MYO1D: variants seen among roughly 807,000 people sequenced by gnomAD.
MYO1D encodes the protein myosin ID.
MYO1D carries 83 observed loss-of-function variants against 122.0 expected under a neutral mutation model. That is an observed-to-expected ratio of 0.68 (90% CI 0.57 to 0.82). The LOEUF is 0.82. Ranked by LOEUF, MYO1D falls within the 40% of genes least tolerant of loss-of-function variation. The probability of loss-of-function intolerance (pLI) is 0.00; values close to 1 mark genes in which losing one functional copy is unlikely to be tolerated. For missense variants in MYO1D, 1,157 were observed against 1,269.5 expected (o/e 0.91, Z 1.35); for synonymous variants, 464 against 446.9 (o/e 1.04, Z -0.48).
In MYO1D at chr17:32,494,492, TG is replaced by T; in HGVS notation, c.*266del. 1 of 469,824 alleles carries T rather than the reference TG, an allele frequency of 2.1e-6. No homozygotes were observed. The highest frequency in any genetic ancestry group is 3.8e-6 in the Non-Finnish European group (1 of 262,452). The allele number at this position is 469,824 out of a possible 1,614,324, so 29.1% of individuals were successfully genotyped here. A position where few individuals can be genotyped will look rare whatever the true frequency, so the allele number is the denominator to read the frequency against. ...ACTAAAGGCACCATCCAGTTGCCTC[TG>T]GGGTGAGATTGGTCTGGACGTCAGC... On this transcript the variant is annotated 3_prime_UTR_variant, in exon 22 of 22. Coordinates refer to ENST00000318217, the MANE Select transcript of MYO1D (RefSeq NM_015194.3).
At chr17:32,628,430 C>T (rs987139724) in intron 20 of MYO1D, among the ~76,000 whole-genome samples, 2 of 152,174 alleles carry the variant, frequency 1.3e-5, no homozygotes, top group African/African-American at 2.4e-5. Context: ...AAACCTGTCA[C>T]GATTTCCTGT....
chr17:32,785,361 C>T (rs558485340), intron 1 of MYO1D, among the ~76,000 whole-genome samples: 1 of 152,116 alleles, frequency 6.6e-6, no homozygotes, highest in African/African-American at 2.4e-5. Flanking sequence ...AAACCTTATT[C>T]GTAAGTATTA....
intron 21 of MYO1D, among the ~76,000 whole-genome samples, chr17:32,596,689 C>CA (rs750068357): frequency 2.0e-5 from 3 of 152,146 alleles, no homozygotes; most frequent in Non-Finnish European, 2.9e-5. Context: ...GGCTTGCATC[C>CA]ACAGAAAGAG....
intron 12 of MYO1D, among the ~76,000 whole-genome samples, chr17:32,747,305 C>T (rs56253709): frequency 0.43 from 65,971 of 151,910 alleles, 14,891 homozygotes; most frequent in East Asian, 0.73. Context: ...AATGTAAAAA[C>T]TAAGAAAAAG....
chr17:32,843,551 T>C (rs1321802096), intron 1 of MYO1D, among the ~76,000 whole-genome samples: 1 of 152,174 alleles, frequency 6.6e-6, no homozygotes, highest in East Asian at 1.9e-4. Context: ...TCTGGCATGC[T>C]AAGAAAATCC....
At chr17:32,711,938 T>A in intron 16 of MYO1D, 50 bp downstream of exon 16, 1 of 1,431,936 alleles carries the variant, frequency 7.0e-7, no homozygotes, top group East Asian at 2.5e-5. Context: ...AACAAATTTT[T>A]AAGAACTTAA....
chr17:32,749,118 G>T, intron 11 of MYO1D, 112 bp from the exon 12 acceptor site: 2 of 951,408 alleles, frequency 2.1e-6, no homozygotes, highest in Non-Finnish European at 3.3e-6. Context: ...ACATCACATT[G>T]TGTGGGGCTT....
chr17:32,876,446 A>T (rs912810944), intron 1 of MYO1D, among the ~76,000 whole-genome samples: 12 of 152,140 alleles, frequency 7.9e-5, no homozygotes, highest in Admixed American at 6.5e-4. Context: ...GCCCGCCCAC[A>T]TCCCTCACCT....
chr17:32,841,783 G>A (rs975372089), intron 1 of MYO1D, among the ~76,000 whole-genome samples: 15 of 152,120 alleles, frequency 9.9e-5, no homozygotes, highest in African/African-American at 3.6e-4. Flanking sequence ...CAACAGGAAG[G>A]AAGGAAGAAA....
At chr17:32,599,352 A>T (rs2087534161) in intron 21 of MYO1D, among the ~76,000 whole-genome samples, 4 of 152,246 alleles carry the variant, frequency 2.6e-5, no homozygotes, top group Admixed American at 2.6e-4. Context: ...ATGAGATTGC[A>T]GCAATTCAGT....
chr17:32,656,369 G>T (rs773603293), intron 17 of MYO1D, among the ~76,000 whole-genome samples: 3 of 151,988 alleles, frequency 2.0e-5, no homozygotes, highest in Non-Finnish European at 4.4e-5. Flanking sequence ...ACACAAAGCA[G>T]ATGGGATCCA....
At chr17:32,570,938 G>A (rs1310039503) in intron 21 of MYO1D, among the ~76,000 whole-genome samples, 1 of 152,146 alleles carries the variant, frequency 6.6e-6, no homozygotes, top group East Asian at 1.9e-4. Context: ...GGGAATAGAA[G>A]GTAAGAGAAA....
Position 32,605,107 on chromosome 17 carries a change from C to T in MYO1D, c.2844G>A (p.Val948=). The T allele has an allele frequency of 6.3e-7, 1 of 1,598,404 alleles. No homozygotes were observed. Among genetic ancestry groups the T allele is most frequent in the Middle Eastern group, 1.7e-4 (1 of 6,020 alleles). The stretch of plus-strand genomic sequence containing the variant: ...TTTACCTCTTGAAATGATTCACCAG[C>T]ACTCCAACAAGTTCTCCAATTCGAC... ...HESRIGELVG[V]LVNHFKSEKR... The change falls in exon 21 of 22, where the codon GTG becomes GTA. Residue 948 remains valine, a synonymous_variant. Transcript: ENST00000318217.
At position 32,858,717 on chromosome 17, in the gene MYO1D, T is replaced by A. The variant is rs183633049; in HGVS notation, c.95+18061A>T. Among the ~76,000 whole-genome samples the A allele has an allele frequency of 2.8e-3, 429 of 152,356 alleles. 4 individuals are homozygous for A. The highest frequency in any genetic ancestry group is 8.7e-3 in the African/African-American group (361 of 41,580). On this transcript the variant is annotated intron_variant, in intron 1 of 21. Transcript: ENST00000318217. ...TTCTCCACTGTAACAATAATCTTTTTTTCTTTGGTATTAATTAATTGAACA... is the reference window on the plus strand; with the variant it reads ...TTCTCCACTGTAACAATAATCTTTTATTCTTTGGTATTAATTAATTGAACA...
At chr17:32,552,048 T>G (rs1282324873) in intron 21 of MYO1D, among the ~76,000 whole-genome samples, 3 of 152,230 alleles carry the variant, frequency 2.0e-5, no homozygotes, top group Non-Finnish European at 4.4e-5. Context: ...TCATCGTACT[T>G]TGCAGTCAAG....
At chr17:32,585,179 C>T (rs1448739246) in intron 21 of MYO1D, among the ~76,000 whole-genome samples, 1 of 151,866 alleles carries the variant, frequency 6.6e-6, no homozygotes, top group Non-Finnish European at 1.5e-5. Context: ...ACAAAGAGTT[C>T]TCTGAATCAT....
At chr17:32,843,851 T>C (rs1301183948) in intron 1 of MYO1D, among the ~76,000 whole-genome samples, 2 of 152,196 alleles carry the variant, frequency 1.3e-5, no homozygotes, top group East Asian at 3.8e-4. Context: ...AGAACTCTTA[T>C]TCTCTGTTGA....
chr17:32,859,987 G>A (rs1168495211), intron 1 of MYO1D, among the ~76,000 whole-genome samples: 1 of 152,108 alleles, frequency 6.6e-6, no homozygotes, highest in Non-Finnish European at 1.5e-5. Flanking sequence ...CTTACCAGTG[G>A]CAGGTTTAAT....
In MYO1D at chr17:32,864,017, T is replaced by C. The variant is rs1191549299; in HGVS notation, c.95+12761A>G. ...TACAAACATTTCTTCCTTTTTTTTT[T>C]TTTTTTTTTTTTTTTTTTTTTTTTT... On this transcript the variant is annotated intron_variant, in intron 1 of 21. Coordinates refer to ENST00000318217, the MANE Select transcript of MYO1D (RefSeq NM_015194.3). 6.0e-3 allele frequency among the ~76,000 whole-genome samples: 517 copies of C among 86,074 alleles called. 7 individuals are homozygous for C. The highest frequency in any genetic ancestry group is 0.018 in the African/African-American group (471 of 26,598). The allele number at this position is 86,074 out of a possible 152,430, so 56.5% of individuals were successfully genotyped here. A position where few individuals can be genotyped will look rare whatever the true frequency, so the allele number is the denominator to read the frequency against.
Sources: allele counts gnomAD v4.1 joint callset (sites outside exome capture counted in the v4.1 genomes callset), GRCh38; gene constraint gnomAD v4.1.1; transcripts MANE v1.5; gene names NCBI Gene and HGNC (gene_info 2026-07-23, HGNC 2026-07-21).